NR2F1-AS1: variants seen among roughly 807,000 people sequenced by gnomAD.
NR2F1-AS1 encodes the protein NR2F1 regulatory antisense RNA 1.
At chr5:93,585,088 GC>G (rs1339754879), upstream of NR2F1-AS1, 1 of 1,014,974 alleles carries the variant, frequency 9.9e-7, no homozygotes. Context: ...AACCCCGGCG[GC>G]CCCAACCCCG....
chr5:93,583,931 G>A (rs899464917), upstream of NR2F1-AS1: 1 of 152,246 alleles, frequency 6.6e-6, no homozygotes, highest in African/African-American at 2.4e-5. Flanking sequence ...AGAAGGCAGC[G>A]AGAGCCCGGC....
chr5:93,530,075 CTTTTTTTT>C (rs1227046832), intron 4 of NR2F1-AS1, among the ~76,000 whole-genome samples: 1 of 97,914 alleles, frequency 1.0e-5, no homozygotes, highest in Non-Finnish European at 2.0e-5. Context: ...AATTTGAAGG[CTTTTTTTT>C]TTTTTTTTTT....
chr5:93,463,480 G>A (rs1750146589), intron 4 of NR2F1-AS1, among the ~76,000 whole-genome samples: 1 of 152,228 alleles, frequency 6.6e-6, no homozygotes, highest in African/African-American at 2.4e-5. Context: ...CCCCCACAGA[G>A]AGTCCCCACT....
intron 4 of NR2F1-AS1, among the ~76,000 whole-genome samples, chr5:93,538,851 T>C (rs961793046): frequency 1.3e-5 from 2 of 152,218 alleles, no homozygotes; most frequent in African/African-American, 4.8e-5. Context: ...AACTGCCCCT[T>C]GTTTCTATCA....
At chr5:93,433,452 G>A (rs1265858225) in intron 4 of NR2F1-AS1, among the ~76,000 whole-genome samples, 3 of 152,176 alleles carry the variant, frequency 2.0e-5, no homozygotes, top group African/African-American at 4.8e-5. Context: ...ACCTGGCTCA[G>A]GCAGGGTTCC....
intron 4 of NR2F1-AS1, among the ~76,000 whole-genome samples, chr5:93,456,898 A>G (rs1010206911): frequency 1.3e-5 from 2 of 152,184 alleles, no homozygotes; most frequent in Non-Finnish European, 2.9e-5. Flanking sequence ...AACAAGGTAA[A>G]GAAAAAGGTG....
At chr5:93,433,548 G>A (rs140836202) in intron 4 of NR2F1-AS1, among the ~76,000 whole-genome samples, 1 of 152,260 alleles carries the variant, frequency 6.6e-6, no homozygotes, top group African/African-American at 2.4e-5. Flanking sequence ...TGCATTGTCA[G>A]GCAATTTCAT....
chr5:93,576,270 T>C (rs1375484526), intron 1 of NR2F1-AS1, among the ~76,000 whole-genome samples: 1 of 152,224 alleles, frequency 6.6e-6, no homozygotes, highest in African/African-American at 2.4e-5. Flanking sequence ...CCCCGAGTTT[T>C]GTTAGATCAT....
intron 1 of NR2F1-AS1, among the ~76,000 whole-genome samples, chr5:93,572,852 C>G (rs1455249958): frequency 6.6e-6 from 1 of 152,248 alleles, no homozygotes; most frequent in Non-Finnish European, 1.5e-5. Context: ...AGTAGGTATC[C>G]CGTTTCAGGC....
upstream of NR2F1-AS1, among the ~76,000 whole-genome samples, chr5:93,581,680 CTCTCT>C (rs1753042479): frequency 2.5e-5 from 1 of 40,182 alleles, no homozygotes; most frequent in East Asian, 6.7e-4. Flanking sequence ...CTCTCTCTCT[CTCTCT>C]CTCTCTCTCT....
At chr5:93,429,877 G>A (rs1272834460) in intron 4 of NR2F1-AS1, among the ~76,000 whole-genome samples, 1 of 152,138 alleles carries the variant, frequency 6.6e-6, no homozygotes, top group East Asian at 1.9e-4. Flanking sequence ...TCTATATACA[G>A]TTACACATAT....
intron 4 of NR2F1-AS1, among the ~76,000 whole-genome samples, chr5:93,452,138 T>C (rs1179430297): frequency 6.6e-6 from 1 of 152,196 alleles, no homozygotes; most frequent in Non-Finnish European, 1.5e-5. Flanking sequence ...TGTGAAATAC[T>C]ATAACTTTGT....
At chr5:93,534,340 T>C (rs1214811518) in intron 4 of NR2F1-AS1, among the ~76,000 whole-genome samples, 3 of 152,176 alleles carry the variant, frequency 2.0e-5, no homozygotes, top group Admixed American at 2.0e-4. Context: ...CCAATACATG[T>C]GTTCTAATAC....
At chr5:93,428,751 C>T (rs1749247155) in intron 4 of NR2F1-AS1, among the ~76,000 whole-genome samples, 1 of 152,114 alleles carries the variant, frequency 6.6e-6, no homozygotes, top group Admixed American at 6.5e-5. Context: ...TATATAAGTA[C>T]TTTAAAAACA....
intron 2 of NR2F1-AS1, among the ~76,000 whole-genome samples, chr5:93,561,126 A>C (rs1222852601): frequency 6.6e-6 from 1 of 152,172 alleles, no homozygotes; most frequent in Admixed American, 6.5e-5. Context: ...ATACAAAATT[A>C]GCTGGGTGTG....
At chr5:93,504,329 A>C (rs6880376) in intron 4 of NR2F1-AS1, among the ~76,000 whole-genome samples, 3 of 152,220 alleles carry the variant, frequency 2.0e-5, no homozygotes, top group African/African-American at 7.2e-5. Flanking sequence ...AATATAGAAA[A>C]CATGAACATA....
chr5:93,414,817 A>C (rs1444542282), intron 4 of NR2F1-AS1, among the ~76,000 whole-genome samples: 2 of 152,152 alleles, frequency 1.3e-5, no homozygotes, highest in Non-Finnish European at 2.9e-5. Context: ...TCAATTACTT[A>C]AGCAATGACA....
chr5:93,519,228 C>T (rs1359727218), intron 4 of NR2F1-AS1, among the ~76,000 whole-genome samples: 1 of 152,000 alleles, frequency 6.6e-6, no homozygotes, highest in African/African-American at 2.4e-5. Flanking sequence ...CTCAGCCTAG[C>T]ACACATAAAA....
At chr5:93,537,239 C>T (rs778870773) in intron 4 of NR2F1-AS1, among the ~76,000 whole-genome samples, 13 of 152,026 alleles carry the variant, frequency 8.6e-5, no homozygotes, top group Non-Finnish European at 1.9e-4. Flanking sequence ...TGGCATTGGG[C>T]TGGACAGGAA....
Sources: gnomAD v4.1 joint callset for allele counts (sites outside exome capture counted in the v4.1 genomes callset) on GRCh38, gnomAD v4.1.1 for gene constraint, MANE v1.5 for transcripts, NCBI Gene and HGNC (gene_info 2026-07-23, HGNC 2026-07-21) for gene names.